TMEM181: variants seen among roughly 807,000 people sequenced by gnomAD.
The protein encoded by TMEM181 is G protein-coupled receptor 178.
TMEM181 carries 39 observed loss-of-function variants against 71.9 expected under a neutral mutation model. That is an observed-to-expected ratio of 0.54 (90% CI 0.42 to 0.71). TMEM181 has a LOEUF of 0.71. Ranked by LOEUF, TMEM181 falls within the 30% of genes least tolerant of loss-of-function variation. The probability of loss-of-function intolerance (pLI) is 0.00; values close to 1 mark genes in which losing one functional copy is unlikely to be tolerated. For synonymous variants in TMEM181, 245 were observed against 228.8 expected (o/e 1.07, Z -0.64); for missense variants, 595 against 583.0 (o/e 1.02, Z -0.21).
At chr6:158,612,477 CT>C (rs1785388607) in intron 10 of TMEM181, among the ~76,000 whole-genome samples, 1 of 152,178 alleles carries the variant, frequency 6.6e-6, no homozygotes, top group African/African-American at 2.4e-5. Flanking sequence ...AGTTAAGAAT[CT>C]TTGAAAAAGG....
rs1266973020 is a variant in TMEM181, at chr6:158,614,808, G to T, written c.896+6058G>T. Among the ~76,000 whole-genome samples the T allele has an allele frequency of 2.0e-5, 3 of 152,168 alleles. No individual in the cohort carries two copies. The East Asian group carries it at 5.8e-4, about 29-fold the overall frequency. On this transcript the variant is annotated intron_variant, in intron 10 of 16. Transcript: ENST00000684151. ...CAGCTTCATCCATGTCCCTGCAAAGGACATGAACTCATCCTTTTTTATGGC... is the reference window on the plus strand; with the variant it reads ...CAGCTTCATCCATGTCCCTGCAAAGTACATGAACTCATCCTTTTTTATGGC...
upstream of TMEM181, among the ~76,000 whole-genome samples, chr6:158,559,029 G>C (rs1782010174): frequency 6.6e-6 from 1 of 152,136 alleles, no homozygotes; most frequent in Admixed American, 6.6e-5. Flanking sequence ...TGCGGTTTAG[G>C]ATTCAGAGCA....
Position 158,631,883 on chromosome 6 carries a change from G to C in TMEM181, c.1423G>C (p.Asp475His). 1 of 1,589,250 alleles carries C rather than the reference G, an allele frequency of 6.3e-7. No individual in the cohort carries two copies. The highest frequency in any genetic ancestry group is 8.6e-7 in the Non-Finnish European group (1 of 1,167,278). ...CAAGTACAAGGAGGAGTCAGATAGT[G>C]ACTGAGCCCCGGCCAGCCCAGCGAG... ...RAKYKEESDS[D>H] The change falls in exon 17 of 17, where the codon GAC (aspartate) becomes CAC (histidine). Residue 475 changes from aspartate (D) to histidine (H), a missense_variant. Coordinates refer to ENST00000684151, the MANE Select transcript of TMEM181 (RefSeq NM_001376852.1).
At chr6:158,603,232 G>A (rs1180904888) in intron 6 of TMEM181, among the ~76,000 whole-genome samples, 1 of 152,152 alleles carries the variant, frequency 6.6e-6, no homozygotes, top group African/African-American at 2.4e-5. Context: ...AGCCTTTTTG[G>A]CATCGGGGAC....
At chr6:158,567,892 G>A (rs1002407802) in intron 1 of TMEM181, among the ~76,000 whole-genome samples, 1 of 152,134 alleles carries the variant, frequency 6.6e-6, no homozygotes, top group Non-Finnish European at 1.5e-5. Context: ...GAGGGATTGT[G>A]GGGAAGGATC....
At chr6:158,591,296 C>T (rs1249857281) in intron 6 of TMEM181, among the ~76,000 whole-genome samples, 1 of 152,116 alleles carries the variant, frequency 6.6e-6, no homozygotes, top group Admixed American at 6.5e-5. Context: ...CCTGAAGCTG[C>T]CCCAGTCACC....
At chr6:158,599,070 G>T (rs891022424) in intron 6 of TMEM181, among the ~76,000 whole-genome samples, 1 of 152,160 alleles carries the variant, frequency 6.6e-6, no homozygotes, top group Non-Finnish European at 1.5e-5. Flanking sequence ...CGTCCCTCCC[G>T]CGGTCTGTTT....
At chr6:158,630,446 G>GAGA (rs560891287) in intron 15 of TMEM181, among the ~76,000 whole-genome samples, 165 of 152,064 alleles carry the variant, frequency 1.1e-3, no homozygotes, top group African/African-American at 3.5e-3. Flanking sequence ...AGTGAGCTAT[G>GAGA]ACACCACTAC....
chr6:158,571,540 C>T lies in TMEM181; in HGVS notation c.9-1880C>T, dbSNP rs551742734. Among the ~76,000 whole-genome samples, 15 of 150,274 alleles carry T rather than the reference C, an allele frequency of 1.0e-4. 5 individuals carry two copies. Among genetic ancestry groups the T allele is most frequent in the Middle Eastern group, 3.4e-3 (1 of 294 alleles). On this transcript the variant is annotated intron_variant, in intron 1 of 16. Transcript: ENST00000684151. ...GTCTCAATCTCCTGACCTCGTGATC[C>T]GCCCGCCTTGGCCTCCCAAAGTGCT...
intron 6 of TMEM181, among the ~76,000 whole-genome samples, chr6:158,590,532 C>T (rs1160225235): frequency 5.3e-5 from 8 of 152,108 alleles, no homozygotes; most frequent in East Asian, 3.8e-4. Context: ...GGCACGATCT[C>T]GGCTCACTGC....
intron 11 of TMEM181, 47 bp downstream of exon 11, chr6:158,623,654 T>C (rs756267885): frequency 9.0e-5 from 122 of 1,348,720 alleles, no homozygotes; most frequent in Non-Finnish European, 1.1e-4. Context: ...TAATGCTGTT[T>C]TGTAAAATTA....
intron 2 of TMEM181, among the ~76,000 whole-genome samples, chr6:158,580,705 C>G (rs990831274): frequency 6.6e-6 from 1 of 152,080 alleles, no homozygotes; most frequent in African/African-American, 2.4e-5. Flanking sequence ...TGTTGTATGC[C>G]AGTCATGCTG....
chr6:158,610,785 G>C (rs900433637), intron 10 of TMEM181: 1 of 315,394 alleles, frequency 3.2e-6, no homozygotes, highest in African/African-American at 2.2e-5. Context: ...TGCTGCTGCT[G>C]CTCACAGACA....
At chr6:158,547,274 C>G (rs1781557272) in intron 1 of TMEM181, among the ~76,000 whole-genome samples, 1 of 152,140 alleles carries the variant, frequency 6.6e-6, no homozygotes, top group African/African-American at 2.4e-5. Flanking sequence ...AGAGTGAGAC[C>G]CTGTCTCTAA....
intron 1 of TMEM181, among the ~76,000 whole-genome samples, chr6:158,552,244 A>G (rs1343299253): frequency 6.6e-6 from 1 of 152,248 alleles, no homozygotes; most frequent in Non-Finnish European, 1.5e-5. Context: ...CCAAAAGGTG[A>G]AGAAAAACCT....
intron 1 of TMEM181, among the ~76,000 whole-genome samples, chr6:158,539,067 G>A (rs2128276581): frequency 6.6e-6 from 1 of 152,272 alleles, no homozygotes; most frequent in Middle Eastern, 3.4e-3. Flanking sequence ...TCAGCAATTT[G>A]GCTGCCTGTA....
intron 6 of TMEM181, among the ~76,000 whole-genome samples, chr6:158,594,340 C>A (rs1183278009): frequency 6.6e-6 from 1 of 152,060 alleles, no homozygotes; most frequent in Non-Finnish European, 1.5e-5. Context: ...CTCTGGTGAT[C>A]CGCCTGCCTC....
chr6:158,618,025 G>T (rs1785715466), intron 10 of TMEM181, among the ~76,000 whole-genome samples: 1 of 152,178 alleles, frequency 6.6e-6, no homozygotes, highest in African/African-American at 2.4e-5. Flanking sequence ...TCAAGTCCCG[G>T]ATATCCTTGT....
intron 6 of TMEM181, among the ~76,000 whole-genome samples, chr6:158,602,663 T>C (rs2128313369): frequency 6.6e-6 from 1 of 152,142 alleles, no homozygotes; most frequent in South Asian, 2.1e-4. Context: ...TAGGCTAGAG[T>C]GCAGTGAGAT....
Sources: allele counts gnomAD v4.1 joint callset (sites outside exome capture counted in the v4.1 genomes callset), GRCh38; gene constraint gnomAD v4.1.1; transcripts MANE v1.5; gene names NCBI Gene and HGNC (gene_info 2026-07-23, HGNC 2026-07-21).